Variants in MPHOSPH9 observed in about 807,000 individuals in gnomAD.
MPHOSPH9 encodes M-phase phosphoprotein 9.
Under a neutral mutation model 145.5 loss-of-function variants are expected in MPHOSPH9, and 88 were observed. The observed-to-expected ratio is 0.60, with a 90% CI of 0.51 to 0.72. The LOEUF is 0.72. Ranked by LOEUF, MPHOSPH9 falls within the 30% of genes least tolerant of loss-of-function variation. The probability of loss-of-function intolerance (pLI) is 0.00; values close to 1 mark genes in which losing one functional copy is unlikely to be tolerated. For missense variants in MPHOSPH9, 1,238 were observed against 1,386.6 expected (o/e 0.89, Z 1.70); for synonymous variants, 435 against 486.2 (o/e 0.89, Z 1.39).
chr12:123,235,829 C>G (rs1228479566), upstream of MPHOSPH9, among the ~76,000 whole-genome samples: 1 of 150,982 alleles, frequency 6.6e-6, no homozygotes, highest in Admixed American at 6.6e-5. Context: ...TTCGGGAGGC[C>G]GAGGCAAGCG....
chr12:123,219,877 C>A (rs763413344), intron 5 of MPHOSPH9, among the ~76,000 whole-genome samples: 1 of 151,978 alleles, frequency 6.6e-6, no homozygotes, highest in Non-Finnish European at 1.5e-5. Flanking sequence ...TATAAAAATT[C>A]TTCTTATACA....
chr12:123,235,290 G>A (rs560769003), upstream of MPHOSPH9, among the ~76,000 whole-genome samples: 45 of 152,290 alleles, frequency 3.0e-4, no homozygotes, highest in African/African-American at 1.0e-3. Context: ...GACATTGAAC[G>A]CAGGTCTGTT....
intron 12 of MPHOSPH9, among the ~76,000 whole-genome samples, chr12:123,197,037 T>G (rs2045982370): frequency 1.4e-5 from 2 of 143,478 alleles, no homozygotes; most frequent in Non-Finnish European, 3.0e-5. Context: ...GTGGGTTTTT[T>G]TTTTTTTTTT....
chr12:123,223,812 C>G (rs1212445936), intron 3 of MPHOSPH9, among the ~76,000 whole-genome samples: 1 of 152,160 alleles, frequency 6.6e-6, no homozygotes, highest in African/African-American at 2.4e-5. Context: ...ACTCTAACTC[C>G]AAGCTCTCCA....
At chr12:123,210,189 A>G in intron 7 of MPHOSPH9, 27 bp from the exon 8 acceptor site, 1 of 1,378,222 alleles carries the variant, frequency 7.3e-7, no homozygotes, top group Non-Finnish European at 9.8e-7. Context: ...CACAGAATAG[A>G]AAAGAGTGAG....
chr12:123,199,818 A>C (rs964592205), intron 11 of MPHOSPH9, among the ~76,000 whole-genome samples: 1 of 151,986 alleles, frequency 6.6e-6, no homozygotes, highest in Admixed American at 6.6e-5. Context: ...GAAAGAAAAA[A>C]AGATTATCAT....
intron 13 of MPHOSPH9, among the ~76,000 whole-genome samples, chr12:123,184,260 C>G (rs996161324): frequency 1.3e-5 from 2 of 152,002 alleles, no homozygotes; most frequent in African/African-American, 4.8e-5. Context: ...CCTCCCCCTC[C>G]TCCACTGCCA....
intron 8 of MPHOSPH9, among the ~76,000 whole-genome samples, chr12:123,208,335 G>A (rs555622909): frequency 4.2e-4 from 63 of 151,484 alleles, no homozygotes; most frequent in African/African-American, 1.5e-3. Context: ...TCAAGAGATC[G>A]AGACCATCCT....
intron 16 of MPHOSPH9, among the ~76,000 whole-genome samples, chr12:123,170,728 T>G (rs867921673): frequency 1.3e-5 from 2 of 152,236 alleles, no homozygotes; most frequent in African/African-American, 2.4e-5. Flanking sequence ...TATGCAGCCT[T>G]TCGACAATGC....
chr12:123,198,809 CAAAAAAAAAAA>C (rs35259138), intron 11 of MPHOSPH9, among the ~76,000 whole-genome samples: 1 of 48,532 alleles, frequency 2.1e-5, no homozygotes, highest in Non-Finnish European at 3.1e-5. Context: ...GAACCTGTCT[CAAAAAAAAAAA>C]AAAAAAAAAA....
Position 123,176,811 on chromosome 12 carries a change from T to C in MPHOSPH9, c.2355-22A>G, listed in dbSNP as rs575419877. ...CATTCTAATTCAAAAGCAATAAAGATAAATTAAGTACATTTCAACAAATGT... is the reference window on the plus strand; with the variant it reads ...CATTCTAATTCAAAAGCAATAAAGACAAATTAAGTACATTTCAACAAATGT... On this transcript the variant is annotated intron_variant, in intron 15 of 23. Transcript: ENST00000606320. 3.0e-4 allele frequency: 463 copies of C among 1,540,766 alleles called. 5 individuals are homozygous for C. The South Asian group carries it at 4.8e-3, about 16-fold the overall frequency.
Position 123,162,125 on chromosome 12 carries a change from A to C in MPHOSPH9, c.3123T>G (p.Asp1041Glu), listed in dbSNP as rs2044136723. The C allele has an allele frequency of 6.4e-7, 1 of 1,569,260 alleles. No homozygotes were observed. Among genetic ancestry groups the C allele is most frequent in the Non-Finnish European group, 8.7e-7 (1 of 1,152,710 alleles). Residue 1041 changes from aspartate (D) to glutamate (E), a missense_variant, in exon 21 of 24, where the codon GAT (aspartate) becomes GAG (glutamate). Physicochemically the swap from Asp to Glu is conservative, Grantham distance 45. Around this residue, in one of 3 missense-constraint regions of MPHOSPH9, gnomAD observed 393 missense variants for 462.5 expected, o/e 0.85. Transcript: ENST00000606320. Reference sequence around the variant, plus strand: ...TTTAGGAAAAGATACCTTCCGAGTCATCTAGAGGAAGAAACTGGAGTTGCT... The same window carrying C: ...TTTAGGAAAAGATACCTTCCGAGTCCTCTAGAGGAAGAAACTGGAGTTGCT... ...PRKQLQFLPL[D>E]DSEEKTYSEK...
At chr12:123,163,398 G>A in intron 19 of MPHOSPH9, 4 of 350,314 alleles carry the variant, frequency 1.1e-5, no homozygotes, top group Non-Finnish European at 2.0e-5. Context: ...AAGTCGACTG[G>A]AAATAAGATG....
chr12:123,203,886 C>T (rs994502624), intron 8 of MPHOSPH9, among the ~76,000 whole-genome samples: 1 of 152,142 alleles, frequency 6.6e-6, no homozygotes, highest in Non-Finnish European at 1.5e-5. Flanking sequence ...AGGGTCTCAC[C>T]ATGTTGCCCA....
chr12:123,176,773 C>G lies in MPHOSPH9; in HGVS notation c.2371G>C (p.Glu791Gln). 6.2e-7 allele frequency: 1 copy of G among 1,612,618 alleles called. No individual in the cohort carries two copies. The highest frequency in any genetic ancestry group is 1.1e-5 in the South Asian group (1 of 91,042). The change falls in exon 16 of 24, where the codon GAA becomes CAA. Residue 791 changes from glutamate to glutamine, a missense_variant. Glu to Gln is a conservative substitution (Grantham distance 29). Coordinates refer to ENST00000606320, the MANE Select transcript of MPHOSPH9 (RefSeq NM_022782.4). ...SDLKRMISKL[E>Q]AQVKQVEHEN... ...TGTTCTACTTGCTTGACCTGAGCTTCAAGTTTTGAAATCATTCTAATTCAA... is the reference window on the plus strand; with the variant it reads ...TGTTCTACTTGCTTGACCTGAGCTTGAAGTTTTGAAATCATTCTAATTCAA...
rs768201585 is a variant in MPHOSPH9 at position 123,198,209 on chromosome 12, T to C, written c.2025+38A>G. 8.4e-6 allele frequency: 12 copies of C among 1,426,460 alleles called. No individual in the cohort carries two copies. In the African/African-American group the frequency reaches 1.6e-4, roughly 18 times the overall value. The allele number at this position is 1,426,460 out of a possible 1,614,324, so 88.4% of individuals were successfully genotyped here. ...TGATGTTATCACGAAATAATTCATT[T>C]GTCTCACCAGAACACCCACCAAAAA... is the stretch of plus-strand genomic sequence containing the variant. On this transcript the variant is annotated intron_variant, in intron 12 of 23. Coordinates refer to ENST00000606320, the MANE Select transcript of MPHOSPH9 (RefSeq NM_022782.4).
At chr12:123,216,143 T>C (rs1267361239) in intron 6 of MPHOSPH9, among the ~76,000 whole-genome samples, 3 of 152,116 alleles carry the variant, frequency 2.0e-5, no homozygotes, top group Non-Finnish European at 4.4e-5. Context: ...GCTACCAATA[T>C]AGTACTAAAC....
At chr12:123,173,211 CT>C (rs2044671737) in intron 16 of MPHOSPH9, among the ~76,000 whole-genome samples, 1 of 152,168 alleles carries the variant, frequency 6.6e-6, no homozygotes, top group Admixed American at 6.5e-5. Context: ...TGGGCTTCTA[CT>C]GTTATCACTC....
intron 7 of MPHOSPH9, among the ~76,000 whole-genome samples, chr12:123,213,634 C>A (rs1382378910): frequency 6.6e-6 from 1 of 152,120 alleles, no homozygotes; most frequent in Non-Finnish European, 1.5e-5. Flanking sequence ...CCACTGTGCC[C>A]AGCCCATTTT....
Sources: gnomAD v4.1 joint callset for allele counts (sites outside exome capture counted in the v4.1 genomes callset) on GRCh38, gnomAD v4.1.1 for gene constraint, gnomAD v4.1.1 regional missense constraint, MANE v1.5 for transcripts, NCBI Gene and HGNC (gene_info 2026-07-23, HGNC 2026-07-21) for gene names.